SHANK2: variants seen among roughly 807,000 people sequenced by gnomAD.
SHANK2 encodes the protein SH3 and multiple ankyrin repeat domains 2.
In SHANK2, 43 loss-of-function variants were observed where a neutral mutation model predicts 133.7. The observed-to-expected ratio is 0.32, with a 90% CI of 0.25 to 0.41. The LOEUF is 0.41. SHANK2 is among the 10% of genes least tolerant of loss of function. The pLI, the probability that SHANK2 is intolerant of heterozygous loss-of-function variation, is 1.00. For synonymous variants in SHANK2, 1,017 were observed against 952.8 expected (o/e 1.07, Z -1.24); for missense variants, 1,994 against 2,235.8 (o/e 0.89, Z 2.18).
intron 11 of SHANK2, chr11:70,826,563 G>C (rs2060384282): frequency 2.1e-6 from 1 of 470,976 alleles, no homozygotes; most frequent in Non-Finnish European, 4.4e-6. Flanking sequence ...TGGGAGGAAG[G>C]ACAGGCGTGC....
At chr11:71,202,468 C>T (rs1954036863) in intron 2 of SHANK2, among the ~76,000 whole-genome samples, 1 of 152,172 alleles carries the variant, frequency 6.6e-6, no homozygotes. Flanking sequence ...TACTCCCAGC[C>T]CCTCGGCGAG....
chr11:71,140,032 G>A (rs1417327369), intron 3 of SHANK2, among the ~76,000 whole-genome samples: 1 of 152,222 alleles, frequency 6.6e-6, no homozygotes, highest in Non-Finnish European at 1.5e-5. Context: ...GACTCACTCG[G>A]CAGCTCCTGG....
At chr11:70,821,764 C>T (rs1044394980) in intron 11 of SHANK2, among the ~76,000 whole-genome samples, 3 of 152,186 alleles carry the variant, frequency 2.0e-5, no homozygotes, top group Non-Finnish European at 4.4e-5. Context: ...CGCTCTGCCA[C>T]GCCTGAGCCA....
At chr11:71,167,366 C>A (rs1349604513) in intron 2 of SHANK2, among the ~76,000 whole-genome samples, 17 of 148,668 alleles carry the variant, frequency 1.1e-4, no homozygotes, top group South Asian at 2.2e-4. Context: ...GGCGGCCGGG[C>A]AGAGGCGCCC....
At chr11:70,589,327 T>C (rs2060292874) in intron 17 of SHANK2, among the ~76,000 whole-genome samples, 1 of 152,240 alleles carries the variant, frequency 6.6e-6, no homozygotes, top group Non-Finnish European at 1.5e-5. Context: ...CTGCTTGTGC[T>C]CTATAAATGG....
chr11:70,933,863 G>T (rs903315206), intron 10 of SHANK2, among the ~76,000 whole-genome samples: 15 of 146,782 alleles, frequency 1.0e-4, no homozygotes, highest in African/African-American at 3.9e-4. Context: ...TTGCACCACT[G>T]CCCTCCAGCC....
chr11:71,155,254 A>G (rs111456407), intron 2 of SHANK2, among the ~76,000 whole-genome samples: 55 of 28,594 alleles, frequency 1.9e-3, no homozygotes, highest in Admixed American at 4.3e-3. Context: ...CCGGAGGAGG[A>G]GTGGACCTAC....
At chr11:71,193,320 TGAGTGTGTGTGG>T (rs745788794) in intron 2 of SHANK2, among the ~76,000 whole-genome samples, 2 of 151,944 alleles carry the variant, frequency 1.3e-5, no homozygotes, top group African/African-American at 2.4e-5. Context: ...GAGGAGTGTG[TGAGTGTGTGTGG>T]GAGTGTGTGT....
chr11:70,941,922 G>A (rs111393206), intron 10 of SHANK2, among the ~76,000 whole-genome samples: 8,531 of 151,962 alleles, frequency 0.056, 803 homozygotes, highest in African/African-American at 0.2. Context: ...GGCTGTGTGT[G>A]GTGACTCATT....
At chr11:70,580,437 G>A (rs1442820995) in intron 17 of SHANK2, among the ~76,000 whole-genome samples, 1 of 152,190 alleles carries the variant, frequency 6.6e-6, no homozygotes, top group African/African-American at 2.4e-5. Flanking sequence ...ATGCTCAATC[G>A]CGTCCCTTAC....
intron 11 of SHANK2, among the ~76,000 whole-genome samples, chr11:70,837,235 C>T (rs1555060279): frequency 6.6e-6 from 1 of 152,204 alleles, no homozygotes; most frequent in Non-Finnish European, 1.5e-5. Context: ...GGCCACTGCC[C>T]CTTACAGGCT....
At chr11:70,544,761 C>A (rs1298743618) in intron 17 of SHANK2, among the ~76,000 whole-genome samples, 2 of 152,208 alleles carry the variant, frequency 1.3e-5, no homozygotes, top group Non-Finnish European at 2.9e-5. Context: ...AGTCTCACTG[C>A]GACGACAGAG....
intron 9 of SHANK2, among the ~76,000 whole-genome samples, chr11:71,073,147 C>CTTTCTTTTTTTTTTTTTT (rs1951166746): frequency 3.2e-5 from 2 of 62,716 alleles, no homozygotes; most frequent in African/African-American, 4.2e-5. Context: ...TTTTTCTTTT[C>CTTTCTTTTTTTTTTTTTT]TTTTTTTTCT....
chr11:70,515,637 G>GAAAAAAAA lies in SHANK2; in HGVS notation c.2062-12714_2062-12707dup, dbSNP rs58440823. On this transcript the variant is annotated intron_variant, in intron 17 of 25. Transcript: ENST00000601538. ...GCAGCATAGTGAGACCTCGTTCCTTGAAAAAAAAAAAAAAAAAAAAAAACA... is the reference window on the plus strand; with the variant it reads ...GCAGCATAGTGAGACCTCGTTCCTTGAAAAAAAAAAAAAAAAAAAAAAAAAAAAAAACA... Among the ~76,000 whole-genome samples, 47 of 79,950 alleles carry GAAAAAAAA rather than the reference G, an allele frequency of 5.9e-4. 1 individual carries two copies. Among genetic ancestry groups the GAAAAAAAA allele is most frequent in the South Asian group, 1.4e-3 (2 of 1,424 alleles). 52.5% of individuals were successfully genotyped at this position (79,950 alleles called of 152,430 possible).
chr11:70,714,155 T>C (rs1418543966), intron 14 of SHANK2, among the ~76,000 whole-genome samples: 2 of 152,228 alleles, frequency 1.3e-5, no homozygotes, highest in African/African-American at 4.8e-5. Flanking sequence ...CCCCAGAGCC[T>C]GAAGCTTTTC....
intron 2 of SHANK2, among the ~76,000 whole-genome samples, chr11:71,214,908 G>A (rs1249930286): frequency 1.3e-5 from 2 of 152,214 alleles, no homozygotes; most frequent in Non-Finnish European, 2.9e-5. Flanking sequence ...GGTATTGAAG[G>A]CCACCAAGCA....
chr11:70,812,628 GT>G (rs1175773032), intron 12 of SHANK2, among the ~76,000 whole-genome samples: 1 of 152,152 alleles, frequency 6.6e-6, no homozygotes, highest in Non-Finnish European at 1.5e-5. Context: ...CTCCTGCCAG[GT>G]CCCACTCTTC....
chr11:71,242,116 T>C (rs559522275), intron 1 of SHANK2, among the ~76,000 whole-genome samples: 18 of 152,324 alleles, frequency 1.2e-4, no homozygotes, highest in South Asian at 2.1e-4. Context: ...AACATTATGC[T>C]GAGTGAATTA....
Position 71,168,341 on chromosome 11 carries a change from C to T in SHANK2, c.-12-21003G>A, listed in dbSNP as rs1291393288. Among the ~76,000 whole-genome samples, 2 of 137,656 alleles carry T rather than the reference C, an allele frequency of 1.5e-5. 1 individual carries two copies. The highest frequency in any genetic ancestry group is 5.7e-5 in the African/African-American group (2 of 35,204). 90.3% of individuals were successfully genotyped at this position (137,656 alleles called of 152,430 possible). On this transcript the variant is annotated intron_variant, in intron 2 of 25. Coordinates refer to ENST00000601538, the MANE Select transcript of SHANK2 (RefSeq NM_012309.5). Reference sequence around the variant, plus strand: ...GCAGAGACGCTCCTCACTTTCCAGACTGGGCAGCCAGGCAGAGGGGCTCCT... The same window carrying T: ...GCAGAGACGCTCCTCACTTTCCAGATTGGGCAGCCAGGCAGAGGGGCTCCT...
Sources: allele counts gnomAD v4.1 joint callset (sites outside exome capture counted in the v4.1 genomes callset), GRCh38; gene constraint gnomAD v4.1.1; transcripts MANE v1.5; gene names NCBI Gene and HGNC (gene_info 2026-07-23, HGNC 2026-07-21).